Variants in BIRC6 observed in about 807,000 individuals in gnomAD.
The protein encoded by BIRC6 is dual E2 ubiquitin-conjugating enzyme/E3 ubiquitin-protein ligase BIRC6.
Under a neutral mutation model 503.3 loss-of-function variants are expected in BIRC6, and 98 were observed. The observed-to-expected ratio is 0.19, with a 90% CI of 0.17 to 0.23. The LOEUF is 0.23. Ranked by LOEUF, BIRC6 falls within the 10% of genes least tolerant of loss-of-function variation. The pLI, the probability that BIRC6 is intolerant of heterozygous loss-of-function variation, is 1.00. For missense variants in BIRC6, 5,360 were observed against 5,806.0 expected (o/e 0.92, Z 2.50); for synonymous variants, 2,240 against 2,078.7 (o/e 1.08, Z -2.11).
chr2:32,413,019 T>G (rs1378099472), intron 9 of BIRC6, among the ~76,000 whole-genome samples: 1 of 151,862 alleles, frequency 6.6e-6, no homozygotes, highest in African/African-American at 2.4e-5. Flanking sequence ...ACTTTTTTTT[T>G]TTTTTGGAGA....
intron 66 of BIRC6, among the ~76,000 whole-genome samples, chr2:32,584,931 C>G (rs546481853): frequency 6.6e-6 from 1 of 152,196 alleles, no homozygotes; most frequent in East Asian, 1.9e-4. Context: ...TATTCAATCG[C>G]TTTGTGATTG....
intron 38 of BIRC6, among the ~76,000 whole-genome samples, chr2:32,481,956 GA>G (rs2050453150): frequency 6.6e-6 from 1 of 152,030 alleles, no homozygotes. Context: ...ATAGTATAAA[GA>G]AAACTTACAT....
At chr2:32,443,363 T>A (rs2045621160) in intron 19 of BIRC6, 128 bp from the exon 20 acceptor site, 1 of 614,082 alleles carries the variant, frequency 1.6e-6, no homozygotes, top group South Asian at 2.2e-5. Context: ...TATATAGCTT[T>A]AAGGCAGGTT....
In BIRC6 at chr2:32,429,166, CA is replaced by C; in HGVS notation, c.2896del (p.Ile966LeufsTer14). On this transcript the variant is annotated frameshift_variant, in exon 11 of 74. Transcript: ENST00000421745. LOFTEE classifies it high-confidence loss of function. ...TGTAGGTGGTGAGCTTCATTTTCTC[CA>C]AATTGGAGGAACCTGTGATGATATT... ...CTKGGELHFLQIGGTCDDIDE... is the reference protein window; with the variant it reads ...CTKGGELHFLXIGGTCDDIDE... 6.3e-7 allele frequency: 1 copy of C among 1,591,868 alleles called. No homozygotes were observed. Among genetic ancestry groups the C allele is most frequent in the Non-Finnish European group, 8.6e-7 (1 of 1,169,210 alleles).
chr2:32,399,150 A>G (rs1435198729), intron 6 of BIRC6, among the ~76,000 whole-genome samples: 1 of 152,176 alleles, frequency 6.6e-6, no homozygotes, highest in Non-Finnish European at 1.5e-5. Flanking sequence ...CAGTGGCGCG[A>G]TCTTGGTTCA....
intron 66 of BIRC6, among the ~76,000 whole-genome samples, chr2:32,587,490 T>C (rs909170351): frequency 2.6e-5 from 4 of 152,196 alleles, no homozygotes; most frequent in Non-Finnish European, 5.9e-5. Flanking sequence ...GTAATTCCAG[T>C]GCTTTGGCAG....
At chr2:32,601,614 G>C (rs1299830774) in intron 70 of BIRC6, among the ~76,000 whole-genome samples, 6 of 151,932 alleles carry the variant, frequency 3.9e-5, no homozygotes, top group Non-Finnish European at 8.8e-5. Context: ...ATCCAAATCT[G>C]TTGGCCATTA....
chr2:32,618,228 A>ATT lies in BIRC6; in HGVS notation c.*333_*334dup, dbSNP rs869202969. 6.6e-4 allele frequency: 66 copies of ATT among 99,752 alleles called. No homozygotes were observed. Among genetic ancestry groups the ATT allele is most frequent in the Middle Eastern group, 4.6e-3 (1 of 216 alleles). 6.2% of individuals were successfully genotyped at this position (99,752 alleles called of 1,614,324 possible). A position where few individuals can be genotyped will look rare whatever the true frequency, so the allele number is the denominator to read the frequency against. On this transcript the variant is annotated 3_prime_UTR_variant, in exon 74 of 74. Transcript: ENST00000421745. ...GTTTACTGAATGTTTATTTTATTTT[A>ATT]TTTTTTTTTTACTATAGAGTGAGGG...
chr2:32,460,227 A>G (rs1170497382), intron 23 of BIRC6, among the ~76,000 whole-genome samples: 1 of 118,868 alleles, frequency 8.4e-6, no homozygotes, highest in South Asian at 2.7e-4. Flanking sequence ...TATATCTCAT[A>G]TGATATATCT....
At chr2:32,499,437 G>T in intron 45 of BIRC6, 110 bp from the exon 46 acceptor site, 1 of 947,324 alleles carries the variant, frequency 1.1e-6, no homozygotes, top group African/African-American at 1.7e-5. Flanking sequence ...CTTGTATTGT[G>T]ATAAGTTACT....
chr2:32,487,689 G>T lies in BIRC6; in HGVS notation c.7856G>T (p.Gly2619Val), dbSNP rs756835298. 33 of 1,613,598 alleles carry T rather than the reference G, an allele frequency of 2.0e-5. No homozygotes were observed. Among genetic ancestry groups the T allele is most frequent in the African/African-American group, 2.7e-5 (2 of 74,900 alleles). The change falls in exon 41 of 74, where the codon GGT becomes GTT. Residue 2619 changes from glycine to valine, a missense_variant. Transcript: ENST00000421745. ...GGAACAGATGATTCACTTCTAGGGG[G>T]TTTACAAGCAGCAAACCAAACCAGC... The part of the protein sequence containing the change: ...PTGTDDSLLG[G>V]LQAANQTSQL...
At chr2:32,584,234 A>T (rs1295406038) in intron 66 of BIRC6, among the ~76,000 whole-genome samples, 4 of 152,110 alleles carry the variant, frequency 2.6e-5, no homozygotes, top group Non-Finnish European at 5.9e-5. Context: ...ATTTAAATTT[A>T]AAAAAATTTT....
chr2:32,494,097 CAT>C (rs2052105509), intron 45 of BIRC6, among the ~76,000 whole-genome samples: 1 of 152,062 alleles, frequency 6.6e-6, no homozygotes, highest in South Asian at 2.1e-4. Flanking sequence ...AATCAGACTC[CAT>C]GTTATAAGAA....
chr2:32,378,769 A>G (rs781547731), intron 2 of BIRC6, among the ~76,000 whole-genome samples: 7 of 152,118 alleles, frequency 4.6e-5, no homozygotes, highest in Non-Finnish European at 1.0e-4. Context: ...ACAACCAGTA[A>G]TTTTTGCTAT....
In BIRC6 at chr2:32,439,641, G is replaced by T; in HGVS notation, c.3765G>T (p.Lys1255Asn). 6.2e-7 allele frequency: 1 copy of T among 1,613,924 alleles called. No homozygotes were observed. The highest frequency in any genetic ancestry group is 2.2e-5 in the East Asian group (1 of 44,862). Reference sequence around the variant, plus strand: ...CATCCCTAAAACACCAGAGTAACAAGGGTTATTCACTTGCTTCACTTTTGG... The same window carrying T: ...CATCCCTAAAACACCAGAGTAACAATGGTTATTCACTTGCTTCACTTTTGG... ...RLPSLKHQSNKGYSLASLLAK... is the reference protein window; with the variant it reads ...RLPSLKHQSNNGYSLASLLAK... The change falls in exon 16 of 74, where the codon AAG (lysine) becomes AAT (asparagine). Residue 1255 changes from lysine (K) to asparagine (N), a missense_variant. This residue lies in a region of BIRC6 where 2,299 missense variants were observed against 2,267.2 expected (regional missense o/e 1.01). Transcript: ENST00000421745.
At chr2:32,556,433 T>C (rs569194043) in intron 65 of BIRC6, among the ~76,000 whole-genome samples, 24 of 152,316 alleles carry the variant, frequency 1.6e-4, no homozygotes, top group African/African-American at 5.3e-4. Flanking sequence ...CTAATCCTTA[T>C]ATTGTCACCT....
intron 23 of BIRC6, among the ~76,000 whole-genome samples, chr2:32,462,909 C>A (rs557669880): frequency 2.8e-4 from 42 of 150,266 alleles, no homozygotes; most frequent in African/African-American, 1.0e-3. Context: ...GAACCAAGAT[C>A]ACGCCGCTGC....
At position 32,465,052 on chromosome 2, in the gene BIRC6, T is replaced by C. The variant is rs1572418485; in HGVS notation, c.5257-13T>C. 1.3e-6 allele frequency: 2 copies of C among 1,516,488 alleles called. No homozygotes were observed. The highest frequency in any genetic ancestry group is 2.5e-5 in the South Asian group (2 of 80,424). 93.9% of individuals were successfully genotyped at this position (1,516,488 alleles called of 1,614,324 possible). A position where few individuals can be genotyped will look rare whatever the true frequency, so the allele number is the denominator to read the frequency against. On this transcript the variant is annotated splice_polypyrimidine_tract_variant and intron_variant, in intron 25 of 73. Coordinates refer to ENST00000421745, the MANE Select transcript of BIRC6 (RefSeq NM_016252.4). ...CAATATAAAGTTAGATTTTTTTTTTTTCCCTGCTCTAGAATCCACTTGGTT... is the reference window on the plus strand; with the variant it reads ...CAATATAAAGTTAGATTTTTTTTTTCTCCCTGCTCTAGAATCCACTTGGTT...
intron 10 of BIRC6, 90 bp downstream of exon 10, chr2:32,416,253 A>G: frequency 7.8e-7 from 1 of 1,274,030 alleles, no homozygotes; most frequent in Non-Finnish European, 1.1e-6. Flanking sequence ...TTTTAGGTTC[A>G]AATAGATGGG....
Sources: gnomAD v4.1 joint callset for allele counts (sites outside exome capture counted in the v4.1 genomes callset) on GRCh38, gnomAD v4.1.1 for gene constraint, gnomAD v4.1.1 regional missense constraint, MANE v1.5 for transcripts, NCBI Gene and HGNC (gene_info 2026-07-23, HGNC 2026-07-21) for gene names.